The following CAPN8 variants were observed in gnomAD, a reference collection of about 807,000 sequenced individuals.
CAPN8 encodes the protein calpain 8, also known as calpain-8.
In CAPN8, 87 loss-of-function variants were observed where a neutral mutation model predicts 80.9. The observed-to-expected ratio is 1.07, with a 90% CI of 0.90 to 1.28. The LOEUF (loss-of-function observed/expected upper bound fraction) is 1.28. Among genes scored for constraint, CAPN8 ranks in the 50% most tolerant of loss-of-function variants. The pLI is 0.00. For synonymous variants in CAPN8, 299 were observed against 273.8 expected (o/e 1.09, Z -0.91); for missense variants, 757 against 702.0 (o/e 1.08, Z -0.89).
chr1:223,544,650 G>A, intron 18 of CAPN8, 122 bp downstream of exon 18: 1 of 1,376,800 alleles, frequency 7.3e-7, no homozygotes, highest in Non-Finnish European at 9.8e-7. Flanking sequence ...CTCTGTTGTT[G>A]CCTTGATATC....
chr1:223,657,257 G>A (rs1035434394), intron 1 of CAPN8, among the ~76,000 whole-genome samples: 4 of 152,012 alleles, frequency 2.6e-5, no homozygotes, highest in Non-Finnish European at 4.4e-5. Flanking sequence ...TGTTCACCCC[G>A]GGTGCCCAAG....
rs567402567 is a variant in CAPN8, at chr1:223,618,043, C to G, written c.1135+1250G>C. 6.9e-6 allele frequency: 4 copies of G among 581,908 alleles called. No individual in the cohort carries two copies. The Admixed American group carries it at 8.9e-5, about 13-fold the overall frequency. The allele number at this position is 581,908 out of a possible 1,614,324, so 36.0% of individuals were successfully genotyped here. ...TATTCTAATGCTGCTTCCCTAGCAC[C>G]GAGCACAGCCCTGCAGTGAGCTCTG... On this transcript the variant is annotated intron_variant, in intron 9 of 20. Coordinates refer to ENST00000366872, the MANE Select transcript of CAPN8 (RefSeq NM_001143962.2).
At chr1:223,663,690 A>C (rs1341548006) in intron 1 of CAPN8, among the ~76,000 whole-genome samples, 1 of 152,244 alleles carries the variant, frequency 6.6e-6, no homozygotes, top group Non-Finnish European at 1.5e-5. Flanking sequence ...TCTGGATTTT[A>C]TCAACATACC....
intron 2 of CAPN8, among the ~76,000 whole-genome samples, chr1:223,651,763 C>T (rs532034453): frequency 2.6e-4 from 40 of 152,290 alleles, no homozygotes; most frequent in African/African-American, 7.9e-4. Context: ...TCACAGAGAA[C>T]GAAGTTCTTT....
intron 11 of CAPN8, among the ~76,000 whole-genome samples, chr1:223,611,247 G>C (rs747643479): frequency 5.3e-5 from 8 of 152,180 alleles, no homozygotes; most frequent in Non-Finnish European, 1.0e-4. Context: ...CAGGACGCTG[G>C]ACCAAATGGA....
intron 5 of CAPN8, 40 bp downstream of exon 5, chr1:223,626,949 G>A: frequency 1.3e-6 from 2 of 1,539,652 alleles, no homozygotes; most frequent in Non-Finnish European, 1.8e-6. Flanking sequence ...AGGGGTGGCG[G>A]TGGGGGGAGG....
At chr1:223,558,795 T>C (rs969036888) in intron 12 of CAPN8, among the ~76,000 whole-genome samples, 14 of 149,682 alleles carry the variant, frequency 9.4e-5, no homozygotes, top group African/African-American at 3.0e-4. Context: ...ATGTAATATG[T>C]GGTATGCATG....
chr1:223,659,075 G>T (rs555456724), intron 1 of CAPN8, among the ~76,000 whole-genome samples: 1 of 152,070 alleles, frequency 6.6e-6, no homozygotes, highest in African/African-American at 2.4e-5. Flanking sequence ...TTACTCAAGC[G>T]AGGATCTCAA....
chr1:223,650,801 G>T (rs1326126053), intron 2 of CAPN8, among the ~76,000 whole-genome samples: 4 of 152,170 alleles, frequency 2.6e-5, no homozygotes, highest in African/African-American at 9.7e-5. Context: ...TTGATATATG[G>T]GTATGACTTA....
chr1:223,656,779 G>A (rs1262546219), intron 1 of CAPN8, among the ~76,000 whole-genome samples: 1 of 147,098 alleles, frequency 6.8e-6, no homozygotes, highest in Non-Finnish European at 1.5e-5. Context: ...CGCCTCCCGG[G>A]TTCACGCCCT....
intron 1 of CAPN8, among the ~76,000 whole-genome samples, chr1:223,654,842 A>ATTTTTTTTTTTTTTTTT (rs35365292): frequency 1.8e-5 from 2 of 111,736 alleles, no homozygotes; most frequent in African/African-American, 3.5e-5. Flanking sequence ...CACCCGGCTA[A>ATTTTTTTTTTTTTTTTT]TTTTTTTTTT....
At chr1:223,648,952 C>T (rs1053585952) in intron 2 of CAPN8, among the ~76,000 whole-genome samples, 1 of 152,124 alleles carries the variant, frequency 6.6e-6, no homozygotes, top group African/African-American at 2.4e-5. Context: ...TCATCTCACT[C>T]ATGAATCCTG....
intron 4 of CAPN8, 111 bp downstream of exon 4, chr1:223,627,898 A>G: frequency 7.7e-7 from 1 of 1,296,900 alleles, no homozygotes; most frequent in Non-Finnish European, 1.0e-6. Flanking sequence ...GGATGCTGGG[A>G]AAGACGCCAT....
At chr1:223,645,849 G>A (rs576698943) in intron 2 of CAPN8, among the ~76,000 whole-genome samples, 1 of 152,288 alleles carries the variant, frequency 6.6e-6, no homozygotes, top group South Asian at 2.1e-4. Context: ...AGTCCTCCTG[G>A]AGCAGAAGGG....
At chr1:223,615,580 G>A (rs1657145642) in intron 10 of CAPN8, among the ~76,000 whole-genome samples, 1 of 152,148 alleles carries the variant, frequency 6.6e-6, no homozygotes, top group African/African-American at 2.4e-5. Context: ...CCCATATCCA[G>A]CCTCCTTCCC....
chr1:223,640,035 C>T (rs529205272), intron 2 of CAPN8, among the ~76,000 whole-genome samples: 6 of 152,208 alleles, frequency 3.9e-5, no homozygotes, highest in Non-Finnish European at 7.3e-5. Flanking sequence ...AGTCCCTCCT[C>T]CTGTCAACCT....
At chr1:223,610,844 T>C (rs1038703495) in intron 11 of CAPN8, among the ~76,000 whole-genome samples, 2 of 152,120 alleles carry the variant, frequency 1.3e-5, no homozygotes, top group Admixed American at 1.3e-4. Context: ...TGGTTCTCAG[T>C]GTGGGATCAG....
At chr1:223,651,724 A>G (rs1658347334) in intron 2 of CAPN8, among the ~76,000 whole-genome samples, 1 of 152,260 alleles carries the variant, frequency 6.6e-6, no homozygotes, top group Non-Finnish European at 1.5e-5. Context: ...GGCAGGATAA[A>G]TCCGACAGAG....
At chr1:223,629,630 A>G (rs1456183890) in intron 2 of CAPN8, among the ~76,000 whole-genome samples, 1 of 152,204 alleles carries the variant, frequency 6.6e-6, no homozygotes, top group Non-Finnish European at 1.5e-5. Flanking sequence ...TTAGCATCCT[A>G]TGGCGAATCT....
Sources: allele counts gnomAD v4.1 joint callset (sites outside exome capture counted in the v4.1 genomes callset), GRCh38; gene constraint gnomAD v4.1.1; transcripts MANE v1.5; gene names NCBI Gene and HGNC (gene_info 2026-07-23, HGNC 2026-07-21).